Variants in TARBP1 observed in about 807,000 individuals in gnomAD.
The protein encoded by TARBP1 is tRNA (guanosine(18)-2'-O)-methyltransferase TARBP1.
In TARBP1, 144 loss-of-function variants were observed where a neutral mutation model predicts 178.6. The observed-to-expected ratio is 0.81, with a 90% CI of 0.70 to 0.93. The LOEUF (loss-of-function observed/expected upper bound fraction) is 0.93. Ranked by LOEUF, TARBP1 falls within the 40% of genes least tolerant of loss-of-function variation. The pLI, the probability that TARBP1 is intolerant of heterozygous loss-of-function variation, is 0.00. For missense variants in TARBP1, 2,067 were observed against 2,011.7 expected (o/e 1.03, Z -0.53); for synonymous variants, 787 against 781.0 (o/e 1.01, Z -0.13).
intron 2 of TARBP1, among the ~76,000 whole-genome samples, chr1:234,471,572 G>C (rs1226472630): frequency 6.6e-6 from 1 of 152,186 alleles, no homozygotes; most frequent in Non-Finnish European, 1.5e-5. Flanking sequence ...ATATTACAAA[G>C]AGAAAAAAGA....
At chr1:234,452,300 G>C (rs1026691795) in intron 9 of TARBP1, among the ~76,000 whole-genome samples, 4 of 152,060 alleles carry the variant, frequency 2.6e-5, no homozygotes, top group Non-Finnish European at 5.9e-5. Context: ...CCACAGACTG[G>C]GAGAAAATAT....
intron 10 of TARBP1, among the ~76,000 whole-genome samples, chr1:234,449,662 C>T (rs1666538895): frequency 6.6e-6 from 1 of 152,156 alleles, no homozygotes; most frequent in Non-Finnish European, 1.5e-5. Context: ...TAAACTCATG[C>T]ATTTTGGAAG....
At chr1:234,430,471 ACTT>A (rs1664311107) in intron 14 of TARBP1, among the ~76,000 whole-genome samples, 170 bp from the exon 15 acceptor site, 1 of 152,204 alleles carries the variant, frequency 6.6e-6, no homozygotes, top group Non-Finnish European at 1.5e-5. Flanking sequence ...CACTTCCACT[ACTT>A]CTCTACAGAT....
chr1:234,428,607 G>A (rs1029072492), intron 17 of TARBP1, among the ~76,000 whole-genome samples: 3 of 151,594 alleles, frequency 2.0e-5, no homozygotes, highest in East Asian at 3.9e-4. Context: ...GTGCAGTGGC[G>A]TGATGTCAGC....
In TARBP1 at chr1:234,465,660, T is replaced by A; in HGVS notation, c.1297A>T (p.Ser433Cys). The A allele has an allele frequency of 6.4e-7, 1 of 1,571,470 alleles. No individual in the cohort carries two copies. ...MDALSESSLYSRSPGQPIGSC... is the reference protein window; with the variant it reads ...MDALSESSLYCRSPGQPIGSC... ...CATAACATAATGTCTCTTTACCTGC[T>A]ATACAGAGAGCTCTCTGAAAGCGCA... is the stretch of plus-strand genomic sequence containing the variant. The change falls in exon 5 of 30, where the codon AGC (serine) becomes TGC (cysteine). Residue 433 changes from serine to cysteine, a missense_variant. By Grantham distance (112) the Ser-to-Cys change is moderately radical. Coordinates refer to ENST00000040877, the MANE Select transcript of TARBP1 (RefSeq NM_005646.4).
Position 234,478,617 on chromosome 1 carries a change from C to T in TARBP1, c.487G>A (p.Val163Met). ...GCCAGGGCGACGGCGGTCCCCGCCA[C>T]GCGCTCCAGTAGCGGCCCGTCCTCG... ...PREDGPLLERVAGTAVALALG... is the reference protein window; with the variant it reads ...PREDGPLLERMAGTAVALALG... The change falls in exon 1 of 30, where the codon GTG (valine) becomes ATG (methionine). Residue 163 changes from valine to methionine, a missense_variant. Physicochemically the swap from Val to Met is conservative, Grantham distance 21 (BLOSUM62 1). Transcript: ENST00000040877. 1 of 1,305,640 alleles carries T rather than the reference C, an allele frequency of 7.7e-7. No homozygotes were observed. The highest frequency in any genetic ancestry group is 9.7e-7 in the Non-Finnish European group (1 of 1,027,996). The allele number at this position is 1,305,640 out of a possible 1,614,324, so 80.9% of individuals were successfully genotyped here.
chr1:234,419,313 T>G (rs1415684914), intron 21 of TARBP1, among the ~76,000 whole-genome samples: 1 of 152,222 alleles, frequency 6.6e-6, no homozygotes, highest in African/African-American at 2.4e-5. Context: ...TTTTAAGCCC[T>G]GAGATAGTGT....
At chr1:234,394,509 G>A (rs1659716258) in intron 26 of TARBP1, among the ~76,000 whole-genome samples, 1 of 152,322 alleles carries the variant, frequency 6.6e-6, no homozygotes, top group South Asian at 2.1e-4. Flanking sequence ...ACTTAGGATA[G>A]GACAGACATG....
chr1:234,456,351 C>A (rs992748427), intron 9 of TARBP1, among the ~76,000 whole-genome samples: 5 of 152,218 alleles, frequency 3.3e-5, no homozygotes, highest in Non-Finnish European at 7.3e-5. Context: ...CAGGCACACA[C>A]CACCATGCCC....
In TARBP1 at chr1:234,446,942, T is replaced by A. The variant is rs200433703; in HGVS notation, c.1995A>T (p.Ile665=). The A allele has an allele frequency of 6.2e-7, 1 of 1,613,824 alleles. No individual in the cohort carries two copies. The highest frequency in any genetic ancestry group is 8.5e-7 in the Non-Finnish European group (1 of 1,179,830). ...GCACATCCAGAAGAGGGTCTAAGAA[T>A]ATCCGCAATACATTCTCTGTTCTCT... is the stretch of plus-strand genomic sequence containing the variant. ...GKQRTENVLR[I]FLDPLLDVLM... The change falls in exon 12 of 30, where the codon ATA becomes ATT. Residue 665 remains isoleucine, a synonymous_variant. Transcript: ENST00000040877.
At chr1:234,434,682 T>A (rs1664824361) in intron 13 of TARBP1, among the ~76,000 whole-genome samples, 1 of 152,010 alleles carries the variant, frequency 6.6e-6, no homozygotes, top group South Asian at 2.1e-4. Flanking sequence ...TGGTCTGAGG[T>A]GGAGACAGAG....
At chr1:234,400,314 A>T (rs1400538748) in intron 25 of TARBP1, 1 of 152,240 alleles carries the variant, frequency 6.6e-6, no homozygotes, top group Non-Finnish European at 1.5e-5. Context: ...CGGACAAAGC[A>T]TTCTGGGCGC....
At chr1:234,477,852 T>G (rs1669710961) in intron 1 of TARBP1, among the ~76,000 whole-genome samples, 1 of 152,160 alleles carries the variant, frequency 6.6e-6, no homozygotes, top group African/African-American at 2.4e-5. Flanking sequence ...TTCTATTGGG[T>G]TGAATCTACC....
At chr1:234,447,584 G>C (rs547639895) in intron 11 of TARBP1, among the ~76,000 whole-genome samples, 1 of 152,012 alleles carries the variant, frequency 6.6e-6, no homozygotes, top group East Asian at 1.9e-4. Context: ...TGTAGAGACA[G>C]GGTCTCGCTT....
At chr1:234,398,349 A>T in intron 26 of TARBP1, 33 bp downstream of exon 26, 1 of 1,541,528 alleles carries the variant, frequency 6.5e-7, no homozygotes, top group Non-Finnish European at 8.8e-7. Context: ...CAGATCAACA[A>T]GGGGAAAAAA....
chr1:234,391,636 G>A lies in TARBP1; in HGVS notation c.4807C>T (p.Leu1603=), dbSNP rs12673. The A allele has an allele frequency of 6.9e-4, 1,113 of 1,613,656 alleles. No individual in the cohort carries two copies. The highest frequency in any genetic ancestry group is 9.1e-4 in the Non-Finnish European group (1,074 of 1,180,012). ...RSLNVHVSGA[L]LIWEYTRQQL... Reference sequence around the variant, plus strand: ...TGCCTGGTGTACTCCCAGATCAGCAGGGCTCCACTCACATGGACATTCAGG... The same window carrying A: ...TGCCTGGTGTACTCCCAGATCAGCAAGGCTCCACTCACATGGACATTCAGG... Residue 1603 remains leucine, a synonymous_variant, in exon 30 of 30, where the codon CTG becomes TTG. Transcript: ENST00000040877.
chr1:234,455,444 C>T (rs1667176426), intron 9 of TARBP1, among the ~76,000 whole-genome samples: 1 of 152,162 alleles, frequency 6.6e-6, no homozygotes, highest in Admixed American at 6.5e-5. Flanking sequence ...AATGGTACAA[C>T]CACCAGATGG....
intron 12 of TARBP1, among the ~76,000 whole-genome samples, chr1:234,440,090 C>A (rs907960374): frequency 1.3e-5 from 2 of 152,024 alleles, no homozygotes; most frequent in Non-Finnish European, 2.9e-5. Flanking sequence ...CTAGGAAAGT[C>A]TCCAAAGATG....
intron 9 of TARBP1, among the ~76,000 whole-genome samples, chr1:234,452,156 A>G (rs1315963732): frequency 6.6e-6 from 1 of 152,112 alleles, no homozygotes; most frequent in African/African-American, 2.4e-5. Flanking sequence ...CCCTTCAAAG[A>G]CTTTTCATGT....
Sources: gnomAD v4.1 joint callset for allele counts (sites outside exome capture counted in the v4.1 genomes callset) on GRCh38, gnomAD v4.1.1 for gene constraint, MANE v1.5 for transcripts, NCBI Gene and HGNC (gene_info 2026-07-23, HGNC 2026-07-21) for gene names.